Variants in VSX2 observed in about 807,000 individuals in gnomAD.
The protein encoded by VSX2 is visual system homeobox 2, also known as ceh-10 homeo domain containing homolog.
A neutral mutation model predicts 32.1 loss-of-function variants in VSX2; 28 were observed. That is an observed-to-expected ratio of 0.87 (90% CI 0.65 to 1.20). VSX2 has a LOEUF of 1.20. Ranked by LOEUF, VSX2 falls within the 50% of genes most tolerant of loss-of-function variation. VSX2 has a pLI of 0.00. For synonymous variants in VSX2, 243 were observed against 214.1 expected (o/e 1.14, Z -1.18); for missense variants, 506 against 488.7 (o/e 1.04, Z -0.33).
intron 3 of VSX2, among the ~76,000 whole-genome samples, chr14:74,259,366 C>T (rs141000755): frequency 7.7e-4 from 117 of 152,058 alleles, no homozygotes; most frequent in African/African-American, 2.7e-3. Context: ...AAGACCCTGT[C>T]CAGGAAGCAT....
chr14:74,244,880 AAGTGT>A (rs2079173806), intron 2 of VSX2, among the ~76,000 whole-genome samples: 1 of 24,158 alleles, frequency 4.1e-5, no homozygotes. Context: ...GAGAGAGAGA[AAGTGT>A]GTGTGTGTGT....
intron 1 of VSX2, 137 bp downstream of exon 1, chr14:74,240,068 G>T: frequency 1.7e-6 from 2 of 1,180,736 alleles, no homozygotes; most frequent in Non-Finnish European, 2.3e-6. Context: ...CCTGGGCCTT[G>T]GGCCGACGCG....
intron 3 of VSX2, among the ~76,000 whole-genome samples, chr14:74,248,334 T>TAAAAAAAAAAAAAAA (rs781035795): frequency 1.2e-4 from 10 of 84,708 alleles, no homozygotes; most frequent in East Asian, 6.6e-4. Flanking sequence ...GAGACCAGGC[T>TAAAAAAAAAAAAAAA]AAAAAAAAAA....
Position 74,249,565 on chromosome 14 carries a change from C to T in VSX2, c.579+4277C>T, listed in dbSNP as rs563874460. ...GATTACAGGTGTAAACCACCATGCC[C>T]GGCATGCTTCATTTCATTTAATCCG... On this transcript the variant is annotated intron_variant, in intron 3 of 4. Transcript: ENST00000261980. Among the ~76,000 whole-genome samples, 10 of 152,218 alleles carry T rather than the reference C, an allele frequency of 6.6e-5. No individual in the cohort carries two copies. The South Asian group carries it at 1.9e-3, about 28-fold the overall frequency.
chr14:74,261,143 C>T lies in VSX2; in HGVS notation c.*224C>T, dbSNP rs1350688073. 1.7e-6 allele frequency: 1 copy of T among 580,990 alleles called. No homozygotes were observed. The highest frequency in any genetic ancestry group is 1.9e-5 in the African/African-American group (1 of 53,794). The allele number at this position is 580,990 out of a possible 1,614,324, so 36.0% of individuals were successfully genotyped here. A position where few individuals can be genotyped will look rare whatever the true frequency, so the allele number is the denominator to read the frequency against. ...GTCTTGACCTCTCCAGCATCCCAGCCTCAGAAGCCTTCTTGCTGCCCACAA... is the reference window on the plus strand; with the variant it reads ...GTCTTGACCTCTCCAGCATCCCAGCTTCAGAAGCCTTCTTGCTGCCCACAA... On this transcript the variant is annotated 3_prime_UTR_variant, in exon 5 of 5. Transcript: ENST00000261980.
intron 1 of VSX2, among the ~76,000 whole-genome samples, chr14:74,240,791 CCGCTCCT>C (rs528778058): frequency 1.4e-4 from 21 of 152,178 alleles, no homozygotes; most frequent in Non-Finnish European, 2.4e-4. Context: ...CGCCTCCGCT[CCGCTCCT>C]CGCTCCTCGA....
At chr14:74,251,017 A>T (rs909671817) in intron 3 of VSX2, among the ~76,000 whole-genome samples, 2 of 151,998 alleles carry the variant, frequency 1.3e-5, no homozygotes, top group Admixed American at 6.6e-5. Flanking sequence ...TAATTGGTTT[A>T]AAATCAAACA....
chr14:74,256,805 C>G (rs1387350946), intron 3 of VSX2, among the ~76,000 whole-genome samples: 9 of 151,182 alleles, frequency 6.0e-5, no homozygotes, highest in Admixed American at 6.6e-5. Context: ...TCCTGAGTAG[C>G]TGGGATTACA....
intron 3 of VSX2, among the ~76,000 whole-genome samples, chr14:74,257,422 G>A (rs2079271169): frequency 6.6e-6 from 1 of 152,254 alleles, no homozygotes; most frequent in Admixed American, 6.5e-5. Context: ...CCCAAACGGG[G>A]ATGGAGCCAC....
chr14:74,259,664 T>C lies in VSX2; in HGVS notation c.642T>C (p.Ser214=). The C allele has an allele frequency of 6.2e-7, 1 of 1,614,082 alleles. No individual in the cohort carries two copies. Among genetic ancestry groups the C allele is most frequent in the East Asian group, 2.2e-5 (1 of 44,878 alleles). The change falls in exon 4 of 5, where the codon AGT becomes AGC. Residue 214 remains serine (S), a synonymous_variant. Coordinates refer to ENST00000261980, the MANE Select transcript of VSX2 (RefSeq NM_182894.3). ...GGGAGAAGTGCTGGGGCCGGAGCAG[T>C]GTCATGGCGGAGTATGGGCTCTACG... ...RKREKCWGRS[S]VMAEYGLYGA...
At chr14:74,240,401 A>G (rs1187172855) in intron 1 of VSX2, among the ~76,000 whole-genome samples, 2 of 152,088 alleles carry the variant, frequency 1.3e-5, no homozygotes, top group Non-Finnish European at 2.9e-5. Flanking sequence ...GCGCTGGTCA[A>G]CTGGGGTTTA....
At chr14:74,240,609 TG>T (rs1435750444) in intron 1 of VSX2, among the ~76,000 whole-genome samples, 2 of 152,176 alleles carry the variant, frequency 1.3e-5, no homozygotes, top group African/African-American at 4.8e-5. Context: ...GATTCCTGTT[TG>T]AGCTTGGCAA....
chr14:74,261,046 C>A lies in VSX2; in HGVS notation c.*127C>A. ...CCATCCTCCCTGTTCCCCACAGGTC[C>A]TCCATCACCCCTGGTGGCTGCAGGC... is the stretch of plus-strand genomic sequence containing the variant. On this transcript the variant is annotated 3_prime_UTR_variant, in exon 5 of 5. Transcript: ENST00000261980. The A allele has an allele frequency of 8.8e-7, 1 of 1,134,568 alleles. No homozygotes were observed. Among genetic ancestry groups the A allele is most frequent in the Non-Finnish European group, 1.3e-6 (1 of 792,778 alleles). 70.3% of individuals were successfully genotyped at this position (1,134,568 alleles called of 1,614,324 possible).
chr14:74,242,200 C>T (rs1409706638), intron 2 of VSX2, among the ~76,000 whole-genome samples: 2 of 152,134 alleles, frequency 1.3e-5, no homozygotes, highest in Non-Finnish European at 2.9e-5. Context: ...GGTGCTGCCC[C>T]GGCGCTCACC....
intron 3 of VSX2, among the ~76,000 whole-genome samples, chr14:74,254,916 A>G (rs1027335271): frequency 6.6e-6 from 1 of 151,518 alleles, no homozygotes. Flanking sequence ...AGTAGCTGGG[A>G]CTACAGGCGC....
intron 3 of VSX2, among the ~76,000 whole-genome samples, chr14:74,249,217 A>G (rs1324136263): frequency 2.0e-5 from 3 of 152,212 alleles, no homozygotes; most frequent in Non-Finnish European, 4.4e-5. Context: ...GCATTTATTA[A>G]GTACTCACCA....
chr14:74,250,956 AT>A (rs1178085190), intron 3 of VSX2, among the ~76,000 whole-genome samples: 1 of 151,684 alleles, frequency 6.6e-6, no homozygotes, highest in East Asian at 2.0e-4. Context: ...CCCAGGGCAG[AT>A]TTTTAAAATG....
intron 3 of VSX2, among the ~76,000 whole-genome samples, chr14:74,257,533 G>T (rs1486019824): frequency 6.6e-6 from 1 of 152,260 alleles, no homozygotes; most frequent in Non-Finnish European, 1.5e-5. Flanking sequence ...ACACGCGTTT[G>T]GGTCAACTTA....
chr14:74,242,173 T>G (rs1270951217), intron 2 of VSX2, among the ~76,000 whole-genome samples: 1 of 151,638 alleles, frequency 6.6e-6, no homozygotes, highest in Non-Finnish European at 1.5e-5. Flanking sequence ...CCTGCCTTTC[T>G]GCGGGTGCTG....
Sources: gnomAD v4.1 joint callset for allele counts (sites outside exome capture counted in the v4.1 genomes callset) on GRCh38, gnomAD v4.1.1 for gene constraint, MANE v1.5 for transcripts, NCBI Gene and HGNC (gene_info 2026-07-23, HGNC 2026-07-21) for gene names.